The following SAP30BP variants were observed in gnomAD, a reference collection of about 807,000 sequenced individuals.
The protein encoded by SAP30BP is SAP30-binding protein.
A neutral mutation model predicts 46.3 loss-of-function variants in SAP30BP; 31 were observed. The observed-to-expected ratio is 0.67, with a 90% CI of 0.50 to 0.90. SAP30BP has a LOEUF of 0.90. Among genes scored for constraint, SAP30BP ranks in the 40% least tolerant of loss-of-function variants. SAP30BP has a pLI of 0.00. For synonymous variants in SAP30BP, 169 were observed against 144.2 expected (o/e 1.17, Z -1.23); for missense variants, 312 against 391.0 (o/e 0.80, Z 1.70).
At chr17:75,668,982 C>G (rs1197740621) in intron 2 of SAP30BP, among the ~76,000 whole-genome samples, 1 of 152,096 alleles carries the variant, frequency 6.6e-6, no homozygotes, top group Non-Finnish European at 1.5e-5. Flanking sequence ...ACAGTCAACT[C>G]TGCATTATTT....
Position 75,702,591 on chromosome 17 carries a change from G to T in SAP30BP, c.488+20G>T, listed in dbSNP as rs780619958. 7 of 1,236,370 alleles carry T rather than the reference G, an allele frequency of 5.7e-6. No homozygotes were observed. The South Asian group carries it at 7.4e-5, about 13-fold the overall frequency. 76.6% of individuals were successfully genotyped at this position (1,236,370 alleles called of 1,614,324 possible). A position where few individuals can be genotyped will look rare whatever the true frequency, so the allele number is the denominator to read the frequency against. On this transcript the variant is annotated intron_variant, in intron 6 of 10. Transcript: ENST00000584667. ...CCCTAGGTAAGTTTCCCTTGAGCCT[G>T]CAGAGTTTATTGAGTTATTAATGTT...
At position 75,706,174 on chromosome 17, in the gene SAP30BP, T is replaced by C. The variant is rs2060494441; in HGVS notation, c.745+82T>C. The C allele has an allele frequency of 1.3e-6, 2 of 1,565,092 alleles. No homozygotes were observed. Among genetic ancestry groups the C allele is most frequent in the Non-Finnish European group, 1.7e-6 (2 of 1,158,386 alleles). Reference sequence around the variant, plus strand: ...GCTTGTTTGGGCGACAGACAGCACGTGGATCTGGGCCTGGGCTCAGCCTTG... The same window carrying C: ...GCTTGTTTGGGCGACAGACAGCACGCGGATCTGGGCCTGGGCTCAGCCTTG... On this transcript the variant is annotated intron_variant, in intron 10 of 10. Coordinates refer to ENST00000584667, the MANE Select transcript of SAP30BP (RefSeq NM_013260.8). This position sits in a 1 kb window ranked among gnomAD's most constrained non-coding sequence, Gnocchi z 4.6.
intron 4 of SAP30BP, among the ~76,000 whole-genome samples, chr17:75,694,732 G>T (rs927473798): frequency 2.0e-5 from 3 of 152,210 alleles, no homozygotes; most frequent in African/African-American, 7.2e-5. Context: ...TACACGGCTG[G>T]GGATCAGAGA....
chr17:75,698,794 G>T (rs145138178), intron 4 of SAP30BP, among the ~76,000 whole-genome samples: 25 of 152,346 alleles, frequency 1.6e-4, no homozygotes, highest in African/African-American at 6.0e-4. Flanking sequence ...TACACCACAA[G>T]AAATGGCAAA....
chr17:75,679,910 A>C (rs201007577), intron 3 of SAP30BP: 1 of 152,138 alleles, frequency 6.6e-6, no homozygotes, highest in African/African-American at 2.4e-5. Context: ...GCACCCGAAC[A>C]TCCCTTTCGC....
intron 3 of SAP30BP, among the ~76,000 whole-genome samples, chr17:75,686,231 G>C (rs1452398355): frequency 6.6e-6 from 1 of 152,152 alleles, no homozygotes; most frequent in East Asian, 1.9e-4. Flanking sequence ...ACCTTCTGTG[G>C]TTGGGGCCGG....
chr17:75,691,280 T>C (rs2060237878), intron 3 of SAP30BP: 1 of 369,064 alleles, frequency 2.7e-6, no homozygotes, highest in Middle Eastern at 3.8e-4. Context: ...ATTTATTTCT[T>C]AGGCGTAGAA....
chr17:75,704,663 GC>G, intron 8 of SAP30BP, 92 bp from the exon 9 acceptor site: 1 of 965,062 alleles, frequency 1.0e-6, no homozygotes, highest in Non-Finnish European at 1.7e-6. Flanking sequence ...AAGGCCTTTA[GC>G]CCGCTGAAAA....
chr17:75,687,955 TGA>T (rs10597935), intron 3 of SAP30BP, among the ~76,000 whole-genome samples: 10,599 of 124,614 alleles, frequency 0.085, 489 homozygotes, highest in African/African-American at 0.13. Context: ...TGTGTGTGTG[TGA>T]GAGAGACAGA....
At chr17:75,674,848 T>A (rs1211090553) in intron 3 of SAP30BP, among the ~76,000 whole-genome samples, 1 of 151,400 alleles carries the variant, frequency 6.6e-6, no homozygotes. Context: ...ACTACAGGTG[T>A]GTGCATCACA....
chr17:75,680,431 G>T (rs999003663), intron 3 of SAP30BP, among the ~76,000 whole-genome samples: 1 of 152,210 alleles, frequency 6.6e-6, no homozygotes, highest in African/African-American at 2.4e-5. Flanking sequence ...CCGAAGACCT[G>T]GGTTGTGCCC....
Position 75,706,228 on chromosome 17 carries a change from G to T in SAP30BP, c.746-112G>T. The T allele has an allele frequency of 6.4e-7, 1 of 1,551,572 alleles. No homozygotes were observed. Among genetic ancestry groups the T allele is most frequent in the East Asian group, 2.3e-5 (1 of 44,232 alleles). On this transcript the variant is annotated intron_variant, in intron 10 of 10. Coordinates refer to ENST00000584667, the MANE Select transcript of SAP30BP (RefSeq NM_013260.8). The surrounding 1 kb of genome is among the most constrained non-coding windows in gnomAD (Gnocchi z 4.6). ...CTTTGAGAAGCACCTTTGGAGTCTG[G>T]GGTGGGCCACTTCGGGGTCTGCTCC...
intron 3 of SAP30BP, chr17:75,691,270 A>G (rs1368294016): frequency 5.4e-6 from 2 of 367,034 alleles, no homozygotes; most frequent in Admixed American, 3.7e-5. Flanking sequence ...TACCCAGTTT[A>G]TTTATTTCTT....
intron 9 of SAP30BP, 186 bp from the exon 10 acceptor site, chr17:75,705,822 A>G: frequency 9.3e-7 from 1 of 1,070,718 alleles, no homozygotes; most frequent in Non-Finnish European, 1.3e-6. Flanking sequence ...AGTTCTTTTA[A>G]GAGTGAAAAG....
intron 4 of SAP30BP, among the ~76,000 whole-genome samples, 178 bp from the exon 5 acceptor site, chr17:75,699,605 G>A (rs375265575): frequency 1.2e-4 from 18 of 151,800 alleles, no homozygotes; most frequent in Non-Finnish European, 1.6e-4. Context: ...CACCCCTTCC[G>A]GTCATTCAGT....
chr17:75,688,099 G>A (rs2060188974), intron 3 of SAP30BP, among the ~76,000 whole-genome samples: 1 of 152,158 alleles, frequency 6.6e-6, no homozygotes, highest in Non-Finnish European at 1.5e-5. Context: ...AGGCTTCCCT[G>A]GGCTGGGCTG....
intron 3 of SAP30BP, among the ~76,000 whole-genome samples, chr17:75,684,207 T>C (rs2060124916): frequency 6.6e-6 from 1 of 152,232 alleles, no homozygotes; most frequent in Non-Finnish European, 1.5e-5. Flanking sequence ...TCATTGTGTT[T>C]TACCTCAGTT....
chr17:75,684,446 A>T (rs1338724594), intron 3 of SAP30BP: 1 of 152,178 alleles, frequency 6.6e-6, no homozygotes, highest in African/African-American at 2.4e-5. Context: ...GAAGGGAACA[A>T]AATTACAGTA....
At chr17:75,674,169 T>C (rs1358334818) in intron 3 of SAP30BP, among the ~76,000 whole-genome samples, 1 of 152,192 alleles carries the variant, frequency 6.6e-6, no homozygotes, top group African/African-American at 2.4e-5. Flanking sequence ...TCTTCTGTGA[T>C]ACTCTTATCT....
Sources: allele counts gnomAD v4.1 joint callset (sites outside exome capture counted in the v4.1 genomes callset), GRCh38; gene constraint gnomAD v4.1.1; non-coding constraint Gnocchi (gnomAD v3.1); transcripts MANE v1.5; gene names NCBI Gene and HGNC (gene_info 2026-07-23, HGNC 2026-07-21).